The following TMEM161B variants were observed in gnomAD, a reference collection of about 807,000 sequenced individuals.
The protein encoded by TMEM161B is transmembrane protein 161B.
Under a neutral mutation model 61.8 loss-of-function variants are expected in TMEM161B, and 34 were observed. That is an observed-to-expected ratio of 0.55 (90% CI 0.42 to 0.73). The LOEUF is 0.73. Ranked by LOEUF, TMEM161B falls within the 30% of genes least tolerant of loss-of-function variation. The pLI, the probability that TMEM161B is intolerant of heterozygous loss-of-function variation, is 0.00. For synonymous variants in TMEM161B, 167 were observed against 192.8 expected, an observed-to-expected ratio of 0.87 and a Z score of 1.11; for missense variants, 456 against 558.5, an observed-to-expected ratio of 0.82 and a Z score of 1.85.
rs1752807314 is a variant in TMEM161B at position 88,241,895 on chromosome 5, G to A, written c.4-979C>T. 2.6e-5 allele frequency among the ~76,000 whole-genome samples: 4 copies of A among 151,638 alleles called. No individual in the cohort carries two copies. The South Asian group carries it at 8.3e-4, about 31-fold the overall frequency. On this transcript the variant is annotated intron_variant, in intron 1 of 11. Transcript: ENST00000296595. ...CACTTCCCACCAATAAGCTCACAAA[G>A]TCACTTATATCTACATCTGTCTTTT... is the stretch of plus-strand genomic sequence containing the variant.
intron 5 of TMEM161B, among the ~76,000 whole-genome samples, chr5:88,213,697 T>C (rs944702566): frequency 1.3e-5 from 2 of 152,198 alleles, no homozygotes; most frequent in Non-Finnish European, 1.5e-5. Context: ...AATAATGTCC[T>C]ATTACCCCAA....
intron 1 of TMEM161B, among the ~76,000 whole-genome samples, chr5:88,266,585 T>G (rs1464099635): frequency 6.6e-6 from 1 of 152,216 alleles, no homozygotes; most frequent in Non-Finnish European, 1.5e-5. Flanking sequence ...TGAGTGACTT[T>G]TCCAAATCCA....
At chr5:88,228,350 C>A (rs749017830) in intron 3 of TMEM161B, 95 bp downstream of exon 3, 4 of 936,508 alleles carry the variant, frequency 4.3e-6, no homozygotes, top group East Asian at 5.5e-5. Flanking sequence ...CTACTTACAA[C>A]ATAATTGGTA....
chr5:88,213,699 T>TTACCC (rs1399297368), intron 5 of TMEM161B, among the ~76,000 whole-genome samples: 2 of 152,214 alleles, frequency 1.3e-5, no homozygotes, highest in Non-Finnish European at 2.9e-5. Flanking sequence ...TAATGTCCTA[T>TTACCC]TACCCCAAAT....
At position 88,196,338 on chromosome 5, in the gene TMEM161B, A is replaced by T. The variant is rs1271891840; in HGVS notation, c.1337T>A (p.Leu446Ter). The T allele has an allele frequency of 6.2e-7, 1 of 1,613,432 alleles. No homozygotes were observed. The highest frequency in any genetic ancestry group is 8.5e-7 in the Non-Finnish European group (1 of 1,179,580). The change falls in exon 12 of 12, where the codon TTA becomes TAA. Residue 446 changes from leucine (L) to a stop codon, truncating the protein, a stop_gained. Coordinates refer to ENST00000296595, the MANE Select transcript of TMEM161B (RefSeq NM_153354.5). LOFTEE classifies it high-confidence loss of function. ...AAGAAGAGGAGTAAAAATATTTTTT[A>T]AGCTGCTCAGTGCCACTGTTATTTG... ...VTQITVALSS[L>*]KNIFTPLLFR...
chr5:88,256,600 A>G (rs1025722096), intron 1 of TMEM161B, among the ~76,000 whole-genome samples: 2 of 152,216 alleles, frequency 1.3e-5, no homozygotes, highest in Non-Finnish European at 2.9e-5. Flanking sequence ...ACTAAAGAAC[A>G]TATGCGTAAC....
rs549178575 is a variant in TMEM161B, at chr5:88,195,893, T to C, written c.*318A>G. On this transcript the variant is annotated 3_prime_UTR_variant, in exon 12 of 12. Transcript: ENST00000296595. The stretch of plus-strand genomic sequence containing the variant: ...TCAATAACTAGAGTCATGTGAGATG[T>C]TTCAAAGACTGCTGGAGGTTTCTGT... The C allele has an allele frequency of 1.4e-5, 15 of 1,073,430 alleles. No homozygotes were observed. In the South Asian group the frequency reaches 3.8e-4, roughly 27 times the overall value. The allele number at this position is 1,073,430 out of a possible 1,614,324, so 66.5% of individuals were successfully genotyped here. A position where few individuals can be genotyped will look rare whatever the true frequency, so the allele number is the denominator to read the frequency against.
chr5:88,186,966 A>G (rs924914767), downstream of TMEM161B, among the ~76,000 whole-genome samples: 2 of 152,166 alleles, frequency 1.3e-5, no homozygotes, highest in African/African-American at 4.8e-5. Context: ...GTGTCCTAAG[A>G]AATCTCTATC....
chr5:88,263,489 A>G (rs895390152), intron 1 of TMEM161B, among the ~76,000 whole-genome samples: 12 of 152,214 alleles, frequency 7.9e-5, no homozygotes, highest in Admixed American at 4.6e-4. Context: ...AGCCAAAAGA[A>G]TATTCATTTC....
At chr5:88,192,356 C>A (rs553347798), downstream of TMEM161B, among the ~76,000 whole-genome samples, 1 of 151,988 alleles carries the variant, frequency 6.6e-6, no homozygotes, top group South Asian at 2.1e-4. Flanking sequence ...TAACAGAAGA[C>A]ATATATGTAA....
chr5:88,253,431 G>C (rs543303081), intron 1 of TMEM161B, among the ~76,000 whole-genome samples: 1 of 152,100 alleles, frequency 6.6e-6, no homozygotes, highest in Non-Finnish European at 1.5e-5. Flanking sequence ...GGTGACATCC[G>C]AACTAGTTTG....
intron 5 of TMEM161B, among the ~76,000 whole-genome samples, chr5:88,217,448 A>C (rs1748067620): frequency 6.6e-6 from 1 of 152,068 alleles, no homozygotes; most frequent in Non-Finnish European, 1.5e-5. Context: ...AGCTGAGAAG[A>C]AATTTGACTT....
At position 88,206,507 on chromosome 5, in the gene TMEM161B, G is replaced by GAAAAAA; in HGVS notation, c.599-9_599-8insTTTTTT. ...CTGAAAAATTTGTAAACCCTGTGGG[G>GAAAAAA]GAAAAAAAAAAAAACAACAGATTAC... On this transcript the variant is annotated splice_polypyrimidine_tract_variant and intron_variant, in intron 6 of 11. Transcript: ENST00000296595. 8.0e-7 allele frequency: 1 copy of GAAAAAA among 1,246,638 alleles called. No homozygotes were observed. Among genetic ancestry groups the GAAAAAA allele is most frequent in the Non-Finnish European group, 1.1e-6 (1 of 921,328 alleles). 77.2% of individuals were successfully genotyped at this position (1,246,638 alleles called of 1,614,324 possible).
At chr5:88,236,573 T>C (rs1373502350) in intron 2 of TMEM161B, among the ~76,000 whole-genome samples, 3 of 152,166 alleles carry the variant, frequency 2.0e-5, no homozygotes, top group Non-Finnish European at 2.9e-5. Context: ...TTAGAACAAG[T>C]GTTCCTTATA....
chr5:88,224,963 TTG>T lies in TMEM161B; in HGVS notation c.289+804_289+805del, dbSNP rs1160507316. ...TACACATAACACACAAAATATGTTT[TTG>T]TTTTTTTTTTTTTTTTTTTTGAGAC... On this transcript the variant is annotated intron_variant, in intron 4 of 11. Transcript: ENST00000296595. Among the ~76,000 whole-genome samples the T allele has an allele frequency of 3.7e-4, 50 of 135,714 alleles. 16 individuals are homozygous for T. Among genetic ancestry groups the T allele is most frequent in the Admixed American group, 5.8e-4 (8 of 13,804 alleles). 89.0% of individuals were successfully genotyped at this position (135,714 alleles called of 152,430 possible).
chr5:88,205,829 G>C lies in TMEM161B; in HGVS notation c.785C>G (p.Thr262Arg). Reference protein sequence around the residue: ...QMHLDALNLATEKITQTLLHI... With the variant: ...QMHLDALNLAREKITQTLLHI... ...TTCCGCTTACTGTGTAATTTTTTCT[G>C]TTGCCAAATTCAGGGCATCCAGATG... The change falls in exon 8 of 12, where the codon ACA becomes AGA. Residue 262 changes from threonine to arginine, a missense_variant. Thr to Arg is a moderately conservative substitution (Grantham distance 71, BLOSUM62 -1). Coordinates refer to ENST00000296595, the MANE Select transcript of TMEM161B (RefSeq NM_153354.5). The C allele has an allele frequency of 6.2e-7, 1 of 1,611,946 alleles. No homozygotes were observed.
At chr5:88,236,761 A>C (rs1751928657) in intron 2 of TMEM161B, among the ~76,000 whole-genome samples, 1 of 152,212 alleles carries the variant, frequency 6.6e-6, no homozygotes, top group Non-Finnish European at 1.5e-5. Flanking sequence ...ATAAAAGCTG[A>C]TTATGTTGTC....
intron 2 of TMEM161B, among the ~76,000 whole-genome samples, chr5:88,232,601 T>G (rs541169152): frequency 6.6e-6 from 1 of 151,934 alleles, no homozygotes; most frequent in African/African-American, 2.4e-5. Context: ...TGAGACAGAG[T>G]CTCACTCTGT....
At chr5:88,254,241 T>C (rs543342111) in intron 1 of TMEM161B, among the ~76,000 whole-genome samples, 10 of 152,316 alleles carry the variant, frequency 6.6e-5, no homozygotes, top group South Asian at 2.1e-4. Flanking sequence ...TCACAGTTTA[T>C]ATGAATTTGA....
Sources: allele counts gnomAD v4.1 joint callset (sites outside exome capture counted in the v4.1 genomes callset), GRCh38; gene constraint gnomAD v4.1.1; transcripts MANE v1.5; gene names NCBI Gene and HGNC (gene_info 2026-07-23, HGNC 2026-07-21).